Variants in AGPS observed in about 807,000 individuals in gnomAD.
AGPS encodes the protein alkyldihydroxyacetonephosphate synthase, peroxisomal.
In AGPS, 26 loss-of-function variants were observed where a neutral mutation model predicts 90.7. The ratio of observed to expected loss-of-function variants is 0.29; its 90% CI spans 0.21 to 0.40. The LOEUF is 0.40. AGPS is among the 10% of genes least tolerant of loss of function. AGPS has a pLI of 1.00. For synonymous variants in AGPS, 294 were observed against 285.3 expected (o/e 1.03, Z -0.31); for missense variants, 540 against 816.1 (o/e 0.66, Z 4.12).
chr2:177,437,628 A>G (rs777563556), intron 5 of AGPS, among the ~76,000 whole-genome samples: 1 of 152,152 alleles, frequency 6.6e-6, no homozygotes, highest in African/African-American at 2.4e-5. Flanking sequence ...GTTTTTACCT[A>G]TCTCTTTTAG....
In AGPS at chr2:177,421,597, A is replaced by C. The variant is rs66770043; in HGVS notation, c.350+1239A>C. On this transcript the variant is annotated intron_variant, in intron 2 of 19. Transcript: ENST00000264167. Reference sequence around the variant, plus strand: ...TATCTGTGTTCTCATTCCCATCCTTAATTGTGACTGGGTAGCAAGCAATGG... The same window carrying C: ...TATCTGTGTTCTCATTCCCATCCTTCATTGTGACTGGGTAGCAAGCAATGG... Among the ~76,000 whole-genome samples the C allele has an allele frequency of 7.8e-3, 1,180 of 152,080 alleles. 10 individuals are homozygous for C. The highest frequency in any genetic ancestry group is 0.012 in the Non-Finnish European group (805 of 67,934).
At position 177,396,580 on chromosome 2, in the gene AGPS, T is replaced by C. The variant is rs139147192; in HGVS notation, c.260+3531T>C. ...CTCCAGCTACAGTGTTAAGAATGGA[T>C]TGGAGAACGGTAAGGATGGACATAG... On this transcript the variant is annotated intron_variant, in intron 1 of 19. Coordinates refer to ENST00000264167, the MANE Select transcript of AGPS (RefSeq NM_003659.4). Among the ~76,000 whole-genome samples, 616 of 152,132 alleles carry C rather than the reference T, an allele frequency of 4.0e-3. 5 individuals are homozygous for C. Among genetic ancestry groups the C allele is most frequent in the East Asian group, 0.032 (167 of 5,186 alleles).
chr2:177,523,475 A>G (rs781384333), intron 18 of AGPS, among the ~76,000 whole-genome samples: 1 of 152,244 alleles, frequency 6.6e-6, no homozygotes, highest in Non-Finnish European at 1.5e-5. Flanking sequence ...ATTATTAACA[A>G]TTTAGTGTGC....
At chr2:177,473,656 T>C (rs1182211530) in intron 10 of AGPS, among the ~76,000 whole-genome samples, 1 of 152,222 alleles carries the variant, frequency 6.6e-6, no homozygotes, top group Non-Finnish European at 1.5e-5. Context: ...AAAAAAAGAA[T>C]CAATAAATAC....
intron 7 of AGPS, among the ~76,000 whole-genome samples, chr2:177,444,511 G>C (rs116720202): frequency 0.016 from 2,419 of 151,546 alleles, 61 homozygotes; most frequent in African/African-American, 0.054. Flanking sequence ...AAAACTAAAA[G>C]TGCATTCACA....
intron 11 of AGPS, among the ~76,000 whole-genome samples, chr2:177,491,402 G>GT (rs1688254992): frequency 6.7e-6 from 1 of 149,950 alleles, no homozygotes; most frequent in Non-Finnish European, 1.5e-5. Flanking sequence ...GGGACTACAG[G>GT]TGTGTGCCAC....
intron 15 of AGPS, 108 bp downstream of exon 15, chr2:177,505,683 A>G (rs1688689155): frequency 3.0e-6 from 3 of 994,510 alleles, no homozygotes; most frequent in South Asian, 1.3e-5. Flanking sequence ...ATTTTAAGCT[A>G]CTGTAATTTA....
At chr2:177,410,797 G>A (rs112715621) in intron 1 of AGPS, among the ~76,000 whole-genome samples, 2,563 of 152,204 alleles carry the variant, frequency 0.017, 69 homozygotes, top group African/African-American at 0.057. Flanking sequence ...ATGGGCTGGC[G>A]CTTACCCCAG....
In AGPS at chr2:177,455,030, A is replaced by G. The variant is rs139367181; in HGVS notation, c.871-6863A>G. ...TTTAAGCTCATCAGCTGTTGTTAGT[A>G]TTAGTGTATTTTATGGGTGGCCCAA... On this transcript the variant is annotated intron_variant, in intron 8 of 19. Transcript: ENST00000264167. Among the ~76,000 whole-genome samples the G allele has an allele frequency of 3.1e-3, 470 of 151,408 alleles. 1 individual carries two copies. The highest frequency in any genetic ancestry group is 5.1e-3 in the Non-Finnish European group (347 of 67,884).
chr2:177,436,179 C>T (rs1686406232), intron 3 of AGPS, among the ~76,000 whole-genome samples: 1 of 108,754 alleles, frequency 9.2e-6, no homozygotes, highest in Non-Finnish European at 1.7e-5. Flanking sequence ...CTCGCTCTGT[C>T]TCCCAGAGCT....
intron 17 of AGPS, among the ~76,000 whole-genome samples, chr2:177,517,922 TTGTC>T (rs1310666215): frequency 1.3e-5 from 2 of 152,302 alleles, no homozygotes; most frequent in East Asian, 3.9e-4. Context: ...CAGTTTGAGT[TTGTC>T]TGATGTTTTC....
At chr2:177,410,924 G>C (rs147548191) in intron 1 of AGPS, among the ~76,000 whole-genome samples, 1 of 152,144 alleles carries the variant, frequency 6.6e-6, no homozygotes, top group Non-Finnish European at 1.5e-5. Context: ...CATGGACGAG[G>C]GGGTAGCTTA....
rs2079229011 is a variant in AGPS at position 177,540,914 on chromosome 2, G to A, written c.*2719G>A. The A allele has an allele frequency of 6.6e-6, 1 of 152,090 alleles. No individual in the cohort carries two copies. 9.4% of individuals were successfully genotyped at this position (152,090 alleles called of 1,614,324 possible). A position where few individuals can be genotyped will look rare whatever the true frequency, so the allele number is the denominator to read the frequency against. On this transcript the variant is annotated 3_prime_UTR_variant, in exon 20 of 20. Transcript: ENST00000264167. ...GCCTTAATGTTTGGTGCAATTTCTAGTAGTGCATAAGTGAATTTAGTCTTA... is the reference window on the plus strand; with the variant it reads ...GCCTTAATGTTTGGTGCAATTTCTAATAGTGCATAAGTGAATTTAGTCTTA...
chr2:177,510,932 C>G (rs1213055199), intron 16 of AGPS, among the ~76,000 whole-genome samples: 2 of 152,114 alleles, frequency 1.3e-5, no homozygotes, highest in Non-Finnish European at 2.9e-5. Flanking sequence ...TTGTGTATTC[C>G]TAAGTGTCCC....
intron 2 of AGPS, among the ~76,000 whole-genome samples, chr2:177,432,678 G>C (rs967071678): frequency 6.6e-6 from 1 of 152,200 alleles, no homozygotes. Context: ...GTAGTTTCAA[G>C]TATCTTGAAG....
intron 11 of AGPS, among the ~76,000 whole-genome samples, chr2:177,486,663 G>A (rs538892194): frequency 4.2e-5 from 5 of 120,052 alleles, no homozygotes; most frequent in Admixed American, 9.6e-5. Context: ...ATGGGAAACT[G>A]TAATTTTGGA....
intron 10 of AGPS, among the ~76,000 whole-genome samples, chr2:177,470,629 G>T (rs544073987): frequency 6.6e-6 from 1 of 150,862 alleles, no homozygotes; most frequent in Non-Finnish European, 1.5e-5. Flanking sequence ...GCTTGAACCC[G>T]GGAGGCAGAG....
At chr2:177,469,324 T>C (rs559235491) in intron 10 of AGPS, among the ~76,000 whole-genome samples, 2 of 152,306 alleles carry the variant, frequency 1.3e-5, no homozygotes, top group Non-Finnish European at 2.9e-5. Flanking sequence ...CATTTAGCTA[T>C]ATTCATGAAT....
chr2:177,441,250 C>T, intron 6 of AGPS: 1 of 508,858 alleles, frequency 2.0e-6, no homozygotes, highest in Non-Finnish European at 3.5e-6. Flanking sequence ...GCTTTTTCCT[C>T]TATGGGCCCT....
Sources: gnomAD v4.1 joint callset for allele counts (sites outside exome capture counted in the v4.1 genomes callset) on GRCh38, gnomAD v4.1.1 for gene constraint, MANE v1.5 for transcripts, NCBI Gene and HGNC (gene_info 2026-07-23, HGNC 2026-07-21) for gene names.